ACYP2: variants seen among roughly 807,000 people sequenced by gnomAD.
ACYP2 encodes the protein acylphosphatase 2, also known as acylphosphatase-2.
In ACYP2, 12 loss-of-function variants were observed where a neutral mutation model predicts 11.2. That is an observed-to-expected ratio of 1.08 (90% CI 0.69 to 1.74). ACYP2 has a LOEUF of 1.74. Among genes scored for constraint, ACYP2 ranks in the 40% most tolerant of loss-of-function variants. The probability of loss-of-function intolerance (pLI) is 0.00; values close to 1 mark genes in which losing one functional copy is unlikely to be tolerated. For synonymous variants in ACYP2, 43 were observed against 32.2 expected, an observed-to-expected ratio of 1.33 and a Z score of -1.13; for missense variants, 134 against 101.9, an observed-to-expected ratio of 1.31 and a Z score of -1.35.
intron 3 of ACYP2, among the ~76,000 whole-genome samples, chr2:54,055,930 A>C (rs1676121329): frequency 6.6e-6 from 1 of 152,202 alleles, no homozygotes; most frequent in Non-Finnish European, 1.5e-5. Context: ...ACATACTGTA[A>C]TATAGTAGTA....
At chr2:54,295,246 A>G (rs186047366) in intron 6 of ACYP2, among the ~76,000 whole-genome samples, 35 of 152,366 alleles carry the variant, frequency 2.3e-4, no homozygotes, top group Admixed American at 2.2e-3. Flanking sequence ...CAATTGCACA[A>G]GTAAACTTGG....
chr2:54,078,162 G>T (rs1207401626), intron 4 of ACYP2, among the ~76,000 whole-genome samples: 1 of 151,642 alleles, frequency 6.6e-6, no homozygotes, highest in Non-Finnish European at 1.5e-5. Context: ...GGCCAGGCTG[G>T]TTTCAAACTC....
At chr2:54,301,981 G>A (rs1276764297) in intron 6 of ACYP2, among the ~76,000 whole-genome samples, 1 of 152,262 alleles carries the variant, frequency 6.6e-6, no homozygotes, top group Non-Finnish European at 1.5e-5. Context: ...GGTAAACAGA[G>A]CTCAGTCTCC....
At chr2:54,162,359 A>C (rs1224449049) in intron 6 of ACYP2, among the ~76,000 whole-genome samples, 4 of 152,166 alleles carry the variant, frequency 2.6e-5, no homozygotes, top group Non-Finnish European at 4.4e-5. Context: ...TAAATGAAAC[A>C]TTTTGCTGCT....
At chr2:54,040,857 A>G (rs1245699948) in intron 2 of ACYP2, among the ~76,000 whole-genome samples, 2 of 152,108 alleles carry the variant, frequency 1.3e-5, no homozygotes, top group Admixed American at 6.6e-5. Flanking sequence ...ACCCCTAGGA[A>G]AGAAAGAAAT....
At chr2:54,016,648 A>G (rs1180492250) in intron 2 of ACYP2, among the ~76,000 whole-genome samples, 7 of 151,966 alleles carry the variant, frequency 4.6e-5, no homozygotes, top group Admixed American at 3.3e-4. Flanking sequence ...AGACTGGGTC[A>G]TTTATAAACA....
chr2:54,201,682 C>CTTTCTTTCTTTCTG (rs60217019), intron 6 of ACYP2, among the ~76,000 whole-genome samples: 53 of 110,802 alleles, frequency 4.8e-4, no homozygotes, highest in South Asian at 1.3e-3. Flanking sequence ...TTCTTTCTTT[C>CTTTCTTTCTTTCTG]TCTCTCTCTC....
At chr2:54,032,340 T>G (rs6545383) in intron 2 of ACYP2, among the ~76,000 whole-genome samples, 68,785 of 152,060 alleles carry the variant, frequency 0.45, 15,969 homozygotes, top group East Asian at 0.7. Context: ...AGCTTTCTAC[T>G]TATGGCTAGC....
intron 2 of ACYP2, among the ~76,000 whole-genome samples, chr2:53,993,289 G>C (rs1027761695): frequency 3.9e-5 from 6 of 152,150 alleles, no homozygotes; most frequent in Admixed American, 2.6e-4. Flanking sequence ...GAAAGAGAGA[G>C]ATGATGGTGT....
chr2:54,074,706 C>G (rs1572697110), intron 4 of ACYP2, among the ~76,000 whole-genome samples: 1 of 151,976 alleles, frequency 6.6e-6, no homozygotes, highest in East Asian at 1.9e-4. Context: ...AAGGAATTCG[C>G]TCACACAGTT....
At chr2:54,158,975 TG>T (rs374388097) in intron 6 of ACYP2, among the ~76,000 whole-genome samples, 380 of 152,302 alleles carry the variant, frequency 2.5e-3, no homozygotes, top group Non-Finnish European at 4.7e-3. Context: ...ACTAAACATT[TG>T]GTTTGATATT....
chr2:54,095,917 G>GC (rs542544175), intron 4 of ACYP2, among the ~76,000 whole-genome samples: 76 of 138 alleles, frequency 0.55, 37 homozygotes, highest in East Asian at 1. Context: ...CGGGGGGCTG[G>GC]CCCCCACCTC....
At chr2:54,064,698 G>C (rs1331387474) in intron 4 of ACYP2, among the ~76,000 whole-genome samples, 1 of 152,150 alleles carries the variant, frequency 6.6e-6, no homozygotes, top group Non-Finnish European at 1.5e-5. Context: ...AGACATTTAA[G>C]GCTTTAAGCT....
chr2:54,014,527 G>A (rs1558472235), intron 2 of ACYP2, among the ~76,000 whole-genome samples: 2 of 151,866 alleles, frequency 1.3e-5, no homozygotes, highest in Non-Finnish European at 2.9e-5. Context: ...CACCACGTTG[G>A]CCAGGCTGGT....
At chr2:54,181,302 G>A (rs1029483077) in intron 6 of ACYP2, among the ~76,000 whole-genome samples, 1 of 152,112 alleles carries the variant, frequency 6.6e-6, no homozygotes, top group Non-Finnish European at 1.5e-5. Context: ...TAGACTGGAT[G>A]GTCAGGGATA....
chr2:54,243,604 C>T (rs1686823938), intron 6 of ACYP2, among the ~76,000 whole-genome samples: 1 of 152,138 alleles, frequency 6.6e-6, no homozygotes, highest in African/African-American at 2.4e-5. Context: ...AAGTGATTCT[C>T]CTGCCTCAGC....
Position 54,069,684 on chromosome 2 carries a change from AC to A in ACYP2, c.277+12325del, listed in dbSNP as rs925165315. ...CTCAAAAAAACAAAAAACAAAAAAA[AC>A]AAAAACAAAACAAAGCAAAATACAG... is the stretch of plus-strand genomic sequence containing the variant. On this transcript the variant is annotated intron_variant, in intron 4 of 6. Coordinates refer to ENST00000607452, the MANE Select transcript of ACYP2 (RefSeq NM_001320586.2). Among the ~76,000 whole-genome samples, 5 of 152,078 alleles carry A rather than the reference AC, an allele frequency of 3.3e-5. No homozygotes were observed. In the East Asian group the frequency reaches 5.8e-4, roughly 18 times the overall value.
intron 1 of ACYP2, among the ~76,000 whole-genome samples, chr2:53,971,885 T>C (rs549915865): frequency 6.6e-6 from 1 of 152,324 alleles, no homozygotes; most frequent in Admixed American, 6.5e-5. Context: ...AAGTTCAAAA[T>C]AGCGTAAGAG....
At position 54,304,685 on chromosome 2, in the gene ACYP2, T is replaced by A. The variant is rs756137129; in HGVS notation, c.405-3T>A. On this transcript the variant is annotated splice_region_variant and splice_polypyrimidine_tract_variant and intron_variant, in intron 6 of 6. Coordinates refer to ENST00000607452, the MANE Select transcript of ACYP2 (RefSeq NM_001320586.2). Reference sequence around the variant, plus strand: ...TTTTATTTATTTATCTGTTTTTTTATAGGAAGTCCTGGCTGAGCAAGGTTG... The same window carrying A: ...TTTTATTTATTTATCTGTTTTTTTAAAGGAAGTCCTGGCTGAGCAAGGTTG... The A allele has an allele frequency of 6.2e-7, 1 of 1,601,216 alleles. No individual in the cohort carries two copies. The highest frequency in any genetic ancestry group is 8.5e-7 in the Non-Finnish European group (1 of 1,173,394).
Sources: allele counts gnomAD v4.1 joint callset (sites outside exome capture counted in the v4.1 genomes callset), GRCh38; gene constraint gnomAD v4.1.1; transcripts MANE v1.5; gene names NCBI Gene and HGNC (gene_info 2026-07-23, HGNC 2026-07-21).